Variants in ZNF827 observed in about 807,000 individuals in gnomAD.
ZNF827 encodes zinc finger protein 827.
Under a neutral mutation model 102.4 loss-of-function variants are expected in ZNF827, and 13 were observed. The ratio of observed to expected loss-of-function variants is 0.13; its 90% CI spans 0.08 to 0.20. ZNF827 has a LOEUF of 0.20. ZNF827 is among the 10% of genes least tolerant of loss of function. The probability of loss-of-function intolerance (pLI) is 1.00; values close to 1 mark genes in which losing one functional copy is unlikely to be tolerated. For synonymous variants in ZNF827, 523 were observed against 536.2 expected, an observed-to-expected ratio of 0.98 and a Z score of 0.34; for missense variants, 1,103 against 1,344.4, an observed-to-expected ratio of 0.82 and a Z score of 2.81.
intron 8 of ZNF827, among the ~76,000 whole-genome samples, chr4:145,806,708 A>T (rs1225887694): frequency 2.0e-5 from 3 of 152,216 alleles, no homozygotes; most frequent in Non-Finnish European, 4.4e-5. Context: ...AAACAGATAT[A>T]ACAGAAATTA....
At chr4:145,776,009 A>C in intron 9 of ZNF827, 49 bp from the exon 10 acceptor site, 2 of 1,607,610 alleles carry the variant, frequency 1.2e-6, no homozygotes, top group Non-Finnish European at 1.7e-6. Context: ...CAAAAAAGGA[A>C]GTCCCAACAC....
intron 6 of ZNF827, among the ~76,000 whole-genome samples, chr4:145,847,188 A>G (rs1231366133): frequency 1.3e-5 from 2 of 152,084 alleles, no homozygotes; most frequent in African/African-American, 2.4e-5. Context: ...AGTAAAACCA[A>G]TCAAAGGGAA....
At chr4:145,914,032 C>T (rs867351228) in intron 1 of ZNF827, among the ~76,000 whole-genome samples, 1 of 150,098 alleles carries the variant, frequency 6.7e-6, no homozygotes, top group African/African-American at 2.5e-5. Context: ...AAAATCTTAG[C>T]TTATACATAA....
chr4:145,827,380 T>C (rs1398904049), intron 7 of ZNF827, among the ~76,000 whole-genome samples: 3 of 152,216 alleles, frequency 2.0e-5, no homozygotes, highest in Admixed American at 6.5e-5. Flanking sequence ...GAAAGACTTT[T>C]CTATTGAGAA....
intron 5 of ZNF827, among the ~76,000 whole-genome samples, chr4:145,859,138 A>T (rs1484719743): frequency 6.6e-6 from 1 of 152,160 alleles, no homozygotes; most frequent in Admixed American, 6.5e-5. Context: ...GAATCAGATA[A>T]TAACAGAGAC....
intron 2 of ZNF827, among the ~76,000 whole-genome samples, chr4:145,900,802 G>C (rs916111423): frequency 6.6e-6 from 1 of 151,976 alleles, no homozygotes; most frequent in Non-Finnish European, 1.5e-5. Context: ...TTCCATCGTA[G>C]AACTACCCCA....
At chr4:145,881,027 C>T (rs191245734) in intron 4 of ZNF827, among the ~76,000 whole-genome samples, 61 of 152,280 alleles carry the variant, frequency 4.0e-4, no homozygotes, top group African/African-American at 1.4e-3. Flanking sequence ...GCAGCACAAA[C>T]AAAGGTAAAG....
chr4:145,900,049 C>G (rs1751293829), intron 2 of ZNF827, among the ~76,000 whole-genome samples: 1 of 152,206 alleles, frequency 6.6e-6, no homozygotes, highest in Non-Finnish European at 1.5e-5. Flanking sequence ...AGGAACATAG[C>G]TTTTCCCTTG....
Position 145,765,855 on chromosome 4 carries a change from C to T in ZNF827, c.2861-117G>A. 4.8e-6 allele frequency: 5 copies of T among 1,047,206 alleles called. No homozygotes were observed. The highest frequency in any genetic ancestry group is 6.8e-6 in the Non-Finnish European group (5 of 738,730). The allele number at this position is 1,047,206 out of a possible 1,614,324, so 64.9% of individuals were successfully genotyped here. ...CATCATCATTCTGGGGGCACAGGCT[C>T]ATGTCCCCAGCTCCCCCACTGCTGG... On this transcript the variant is annotated intron_variant, in intron 11 of 14. Coordinates refer to ENST00000508784, the MANE Select transcript of ZNF827 (RefSeq NM_001306215.2). This position sits in a 1 kb window ranked among gnomAD's most constrained non-coding sequence, Gnocchi z 4.7.
intron 8 of ZNF827, among the ~76,000 whole-genome samples, chr4:145,796,333 T>C (rs901903768): frequency 2.0e-5 from 3 of 152,224 alleles, no homozygotes; most frequent in Non-Finnish European, 4.4e-5. Context: ...TGGAAGGATG[T>C]ACACGAAACT....
chr4:145,923,996 C>CA (rs1469436814), intron 1 of ZNF827, among the ~76,000 whole-genome samples: 1 of 151,906 alleles, frequency 6.6e-6, no homozygotes, highest in African/African-American at 2.4e-5. Flanking sequence ...TTCAAAACAG[C>CA]AAAAAAAGTG....
chr4:145,887,576 C>T (rs1292860063), intron 3 of ZNF827, among the ~76,000 whole-genome samples: 6 of 152,176 alleles, frequency 3.9e-5, no homozygotes, highest in Non-Finnish European at 8.8e-5. Flanking sequence ...CTCAGTTAGG[C>T]AAAGTCCTGA....
intron 5 of ZNF827, among the ~76,000 whole-genome samples, chr4:145,862,094 A>G (rs1747787523): frequency 6.6e-6 from 1 of 152,228 alleles, no homozygotes; most frequent in African/African-American, 2.4e-5. Flanking sequence ...GGAGCCATTC[A>G]GGTGTACGGG....
rs1488703054 is a variant in ZNF827, at chr4:145,892,349, C to T, written c.1160G>A (p.Ser387Asn). Reference protein sequence around the residue: ...PICGLVIKRKSYWKRHMVIHT... With the variant: ...PICGLVIKRKNYWKRHMVIHT... ...AATCACCATGTGCCGCTTCCAGTAA[C>T]TCTTCCTTTTAATAACCAAACCACA... The change falls in exon 3 of 15, where the codon AGT becomes AAT. Residue 387 changes from serine to asparagine, a missense_variant. Coordinates refer to ENST00000508784, the MANE Select transcript of ZNF827 (RefSeq NM_001306215.2). The T allele has an allele frequency of 6.2e-7, 1 of 1,614,188 alleles. No homozygotes were observed. Among genetic ancestry groups the T allele is most frequent in the Admixed American group, 1.7e-5 (1 of 60,018 alleles).
chr4:145,846,688 G>T (rs113319234), intron 6 of ZNF827, among the ~76,000 whole-genome samples: 2 of 135,144 alleles, frequency 1.5e-5, no homozygotes, highest in African/African-American at 5.9e-5. Context: ...ATGATGGCGC[G>T]TGCCTGTAGT....
At chr4:145,917,700 CAAAAAAAAAAAAAA>C (rs763617063) in intron 1 of ZNF827, among the ~76,000 whole-genome samples, 2 of 46,856 alleles carry the variant, frequency 4.3e-5, no homozygotes, top group Non-Finnish European at 7.9e-5. Flanking sequence ...GGTAGCTGGT[CAAAAAAAAAAAAAA>C]AAAAAAAAAA....
chr4:145,847,242 C>T (rs4544728), intron 6 of ZNF827, among the ~76,000 whole-genome samples: 57,882 of 151,924 alleles, frequency 0.38, 11,480 homozygotes, highest in African/African-American at 0.48. Context: ...CTGATTTGAA[C>T]GAGGCCTTGG....
chr4:145,873,495 C>T lies in ZNF827; in HGVS notation c.1748-3017G>A, dbSNP rs1467606239. 2.0e-5 allele frequency among the ~76,000 whole-genome samples: 3 copies of T among 152,126 alleles called. No individual in the cohort carries two copies. In the East Asian group the frequency reaches 5.8e-4, roughly 29 times the overall value. ...CTTTGAAGTAAAGTTAAAGGCCTTTCTACCTAGACCACAGCATTACTGAAA... is the reference window on the plus strand; with the variant it reads ...CTTTGAAGTAAAGTTAAAGGCCTTTTTACCTAGACCACAGCATTACTGAAA... On this transcript the variant is annotated intron_variant, in intron 4 of 14. Transcript: ENST00000508784.
At position 145,807,859 on chromosome 4, in the gene ZNF827, T is replaced by C. The variant is rs147920031; in HGVS notation, c.2383+15563A>G. Among the ~76,000 whole-genome samples the C allele has an allele frequency of 3.3e-5, 5 of 151,900 alleles. No homozygotes were observed. In the East Asian group the frequency reaches 9.7e-4, roughly 29 times the overall value. ...CTATGAAAGGCATGGCAAGTCTTAG[T>C]ATGACACCAGTGATGATATTTTTAA... On this transcript the variant is annotated intron_variant, in intron 8 of 14. Transcript: ENST00000508784.
Sources: allele counts gnomAD v4.1 joint callset (sites outside exome capture counted in the v4.1 genomes callset), GRCh38; gene constraint gnomAD v4.1.1; non-coding constraint Gnocchi (gnomAD v3.1); transcripts MANE v1.5; gene names NCBI Gene and HGNC (gene_info 2026-07-23, HGNC 2026-07-21).